The following TSNARE1 variants were observed in gnomAD, a reference collection of about 807,000 sequenced individuals.
The protein encoded by TSNARE1 is t-SNARE domain-containing protein 1.
Under a neutral mutation model 62.0 loss-of-function variants are expected in TSNARE1, and 49 were observed. The observed-to-expected ratio is 0.79, with a 90% CI of 0.63 to 1.00. The LOEUF (loss-of-function observed/expected upper bound fraction) is 1.00. Ranked by LOEUF, TSNARE1 falls within the 50% of genes least tolerant of loss-of-function variation. The pLI is 0.00. For missense variants in TSNARE1, 755 were observed against 700.1 expected (o/e 1.08, Z -0.88); for synonymous variants, 328 against 294.4 (o/e 1.11, Z -1.17).
chr8:142,251,321 A>C (rs1818151895), intron 12 of TSNARE1, among the ~76,000 whole-genome samples: 2 of 138,846 alleles, frequency 1.4e-5, no homozygotes, highest in African/African-American at 2.6e-5. Context: ...TAGGGCTGAG[A>C]ACCCCGCCCC....
In TSNARE1 at chr8:142,341,891, G is replaced by A. The variant is rs528222514; in HGVS notation, c.745+2075C>T. Among the ~76,000 whole-genome samples, 5 of 152,336 alleles carry A rather than the reference G, an allele frequency of 3.3e-5. No individual in the cohort carries two copies. In the South Asian group the frequency reaches 1.0e-3, roughly 32 times the overall value. On this transcript the variant is annotated intron_variant, in intron 4 of 13. Coordinates refer to ENST00000524325, the MANE Select transcript of TSNARE1 (RefSeq NM_145003.5). ...CAGGAAACCCACTCGAACCCTGTGA[G>A]GAGGGCAGGAGGACTTCTTCATGTA...
intron 10 of TSNARE1, 105 bp downstream of exon 10, chr8:142,300,381 G>C: frequency 7.3e-7 from 1 of 1,366,672 alleles, no homozygotes; most frequent in Admixed American, 2.3e-5. Flanking sequence ...AGCCCCTCCA[G>C]GTCAAGGGCA....
At chr8:142,366,856 T>C (rs1835583413) in intron 1 of TSNARE1, among the ~76,000 whole-genome samples, 1 of 152,188 alleles carries the variant, frequency 6.6e-6, no homozygotes, top group Admixed American at 6.5e-5. Context: ...GTAAATGATA[T>C]GACAGTATAC....
At chr8:142,346,941 C>A (rs569139835) in intron 2 of TSNARE1, among the ~76,000 whole-genome samples, 1 of 152,242 alleles carries the variant, frequency 6.6e-6, no homozygotes, top group African/African-American at 2.4e-5. Flanking sequence ...CGGACCCCCA[C>A]GAGGTGGGCG....
intron 1 of TSNARE1, among the ~76,000 whole-genome samples, chr8:142,374,039 C>T (rs900432650): frequency 1.3e-5 from 2 of 152,236 alleles, no homozygotes; most frequent in Non-Finnish European, 2.9e-5. Context: ...CGACATGGCT[C>T]ATGCCTGTAA....
chr8:142,258,921 G>C (rs1251822069), intron 12 of TSNARE1, among the ~76,000 whole-genome samples: 2 of 152,206 alleles, frequency 1.3e-5, no homozygotes, highest in African/African-American at 2.4e-5. Flanking sequence ...CCAGAACAGA[G>C]GGGTGTCCAA....
At chr8:142,370,944 G>A (rs982960872) in intron 1 of TSNARE1, among the ~76,000 whole-genome samples, 12 of 151,884 alleles carry the variant, frequency 7.9e-5, no homozygotes, top group Admixed American at 3.9e-4. Flanking sequence ...AACTACCTTC[G>A]GAAAACAGCA....
intron 10 of TSNARE1, among the ~76,000 whole-genome samples, chr8:142,295,121 C>T (rs1227202226): frequency 6.6e-6 from 1 of 152,192 alleles, no homozygotes; most frequent in African/African-American, 2.4e-5. Flanking sequence ...TGGAGACAGG[C>T]AATGTTCCGG....
intron 12 of TSNARE1, among the ~76,000 whole-genome samples, chr8:142,251,304 G>A (rs368676067): frequency 4.6e-5 from 7 of 150,980 alleles, no homozygotes; most frequent in African/African-American, 7.3e-5. Flanking sequence ...TTGAGATTCC[G>A]GTCAGCTAGG....
At chr8:142,336,117 A>G (rs1359880831) in intron 4 of TSNARE1, among the ~76,000 whole-genome samples, 1 of 152,086 alleles carries the variant, frequency 6.6e-6, no homozygotes, top group Non-Finnish European at 1.5e-5. Context: ...ATCTCTTTCT[A>G]TAAAAAAATA....
intron 11 of TSNARE1, chr8:142,280,159 A>G (rs1563815336): frequency 1.0e-6 from 1 of 985,216 alleles, no homozygotes; most frequent in African/African-American, 1.7e-5. Context: ...CCTCTGCACC[A>G]GCACCTCCGT....
At chr8:142,227,713 G>T (rs1224797173) in intron 13 of TSNARE1, among the ~76,000 whole-genome samples, 2 of 152,260 alleles carry the variant, frequency 1.3e-5, no homozygotes, top group Non-Finnish European at 2.9e-5. Flanking sequence ...AGACCCCAGG[G>T]ATGCGAAACA....
At chr8:142,268,571 C>T (rs781630417) in intron 12 of TSNARE1, among the ~76,000 whole-genome samples, 2 of 152,230 alleles carry the variant, frequency 1.3e-5, no homozygotes, top group African/African-American at 4.8e-5. Context: ...CGCTGCCTAC[C>T]CCAGCATCCA....
At chr8:142,347,648 A>G (rs985730782) in intron 2 of TSNARE1, among the ~76,000 whole-genome samples, 1 of 151,662 alleles carries the variant, frequency 6.6e-6, no homozygotes, top group Admixed American at 6.6e-5. Flanking sequence ...ACACGCCATC[A>G]CCTCGCCACA....
rs906256325 is a variant in TSNARE1 at position 142,344,105 on chromosome 8, G to A, written c.606C>T (p.Leu202=). Residue 202 remains leucine (L), a synonymous_variant, in exon 4 of 14, where the codon CTC becomes CTT. Coordinates refer to ENST00000524325, the MANE Select transcript of TSNARE1 (RefSeq NM_145003.5). The part of the protein sequence containing the change: ...RAVVRRKLGD[L]RKAAHGPSPG... ...GGCTGGGGCCATGGGCCGCCTTCCG[G>A]AGGTCGCCCAGCTTGCGCCGCACGA... is the stretch of plus-strand genomic sequence containing the variant. 2 of 1,611,024 alleles carry A rather than the reference G, an allele frequency of 1.2e-6. No individual in the cohort carries two copies. Among genetic ancestry groups the A allele is most frequent in the Non-Finnish European group, 1.7e-6 (2 of 1,178,620 alleles).
At chr8:142,285,635 A>T (rs536497080) in intron 10 of TSNARE1, among the ~76,000 whole-genome samples, 1 of 152,236 alleles carries the variant, frequency 6.6e-6, no homozygotes, top group Admixed American at 6.5e-5. Flanking sequence ...TGGGTTGGTC[A>T]ATGAGCGGCT....
At chr8:142,404,880 G>A (rs991868066), upstream of TSNARE1, 1 of 152,286 alleles carries the variant, frequency 6.6e-6, no homozygotes, top group Non-Finnish European at 1.5e-5. Context: ...ACAGCTCCGT[G>A]TTCAGGTGTG....
chr8:142,361,885 C>A (rs996618212), intron 1 of TSNARE1, among the ~76,000 whole-genome samples: 2 of 152,196 alleles, frequency 1.3e-5, no homozygotes, highest in Non-Finnish European at 2.9e-5. Context: ...AGCCCTCAGC[C>A]GCGCCCCACC....
At chr8:142,216,881 C>G (rs192273149) in intron 13 of TSNARE1, among the ~76,000 whole-genome samples, 1 of 152,146 alleles carries the variant, frequency 6.6e-6, no homozygotes, top group African/African-American at 2.4e-5. Flanking sequence ...GCAGGGGAAC[C>G]GGGGTTTCAG....
Sources: gnomAD v4.1 joint callset for allele counts (sites outside exome capture counted in the v4.1 genomes callset) on GRCh38, gnomAD v4.1.1 for gene constraint, MANE v1.5 for transcripts, NCBI Gene and HGNC (gene_info 2026-07-23, HGNC 2026-07-21) for gene names.